MAP2K1: variants seen among roughly 807,000 people sequenced by gnomAD.
The protein encoded by MAP2K1 is dual specificity mitogen-activated protein kinase kinase 1.
Under a neutral mutation model 46.3 loss-of-function variants are expected in MAP2K1, and 16 were observed. That is an observed-to-expected ratio of 0.35 (90% CI 0.23 to 0.52). The LOEUF is 0.52. Ranked by LOEUF, MAP2K1 falls within the 20% of genes least tolerant of loss-of-function variation. The pLI is 0.94. For missense variants in MAP2K1, 263 were observed against 497.1 expected, an observed-to-expected ratio of 0.53 and a Z score of 4.48; for synonymous variants, 183 against 185.6, an observed-to-expected ratio of 0.99 and a Z score of 0.11.
chr15:66,468,931 G>A (rs1892538175), intron 5 of MAP2K1, among the ~76,000 whole-genome samples: 1 of 143,196 alleles, frequency 7.0e-6, no homozygotes, highest in Admixed American at 7.2e-5. Flanking sequence ...CTCCAGCCTG[G>A]CAACAGAGCA....
intron 1 of MAP2K1, among the ~76,000 whole-genome samples, chr15:66,410,057 G>A (rs921242277): frequency 6.6e-6 from 1 of 152,200 alleles, no homozygotes; most frequent in African/African-American, 2.4e-5. Context: ...GAGGCCCAGA[G>A]AGACTGGGCA....
In MAP2K1 at chr15:66,397,684, T is replaced by G. The variant is rs184210500; in HGVS notation, c.80+10257T>G. Among the ~76,000 whole-genome samples the G allele has an allele frequency of 1.9e-4, 29 of 152,306 alleles. 1 individual carries two copies. Among genetic ancestry groups the G allele is most frequent in the Admixed American group, 1.6e-3 (24 of 15,300 alleles). On this transcript the variant is annotated intron_variant, in intron 1 of 10. Transcript: ENST00000307102. ...CCCAAACCTACATCTAATCAAGCCT[T>G]TAGACCTAACTTCCTGTTTATAGCA...
chr15:66,453,302 T>C (rs1005374685), intron 5 of MAP2K1, among the ~76,000 whole-genome samples: 1 of 152,228 alleles, frequency 6.6e-6, no homozygotes, highest in Non-Finnish European at 1.5e-5. Flanking sequence ...CTCTTTGGCA[T>C]GAAGAGATGC....
chr15:66,420,883 G>GTGTGTGTATATATGTGTGTATATA (rs1567003303), intron 1 of MAP2K1, among the ~76,000 whole-genome samples: 2 of 117,516 alleles, frequency 1.7e-5, no homozygotes, highest in African/African-American at 6.1e-5. Context: ...GTATATATAT[G>GTGTGTGTATATATGTGTGTATATA]TGTATATATA....
rs960070729 is a variant in MAP2K1, at chr15:66,387,564, C to G, written c.80+137C>G. 1.1e-5 allele frequency: 9 copies of G among 849,510 alleles called. No homozygotes were observed. In the Admixed American group the frequency reaches 1.6e-4, roughly 15 times the overall value. 52.6% of individuals were successfully genotyped at this position (849,510 alleles called of 1,614,324 possible). A position where few individuals can be genotyped will look rare whatever the true frequency, so the allele number is the denominator to read the frequency against. On this transcript the variant is annotated intron_variant, in intron 1 of 10. Transcript: ENST00000307102. ...CAGGGGGCGAGAAACTCCCGGCCGC[C>G]GAGGTATCGGTGACTAAGCACTGAT...
intron 2 of MAP2K1, 100 bp from the exon 3 acceptor site, chr15:66,436,646 C>G (rs1007827269): frequency 6.0e-6 from 7 of 1,171,408 alleles, no homozygotes; most frequent in Admixed American, 1.7e-5. Flanking sequence ...GTTTCTCCTC[C>G]CTCTACCTTA....
intron 1 of MAP2K1, among the ~76,000 whole-genome samples, chr15:66,427,463 G>A (rs2093462103): frequency 6.6e-6 from 1 of 151,952 alleles, no homozygotes; most frequent in Non-Finnish European, 1.5e-5. Context: ...GGAGGCTGAG[G>A]CAGGAGAATT....
chr15:66,453,703 G>A (rs1003923350), intron 5 of MAP2K1, among the ~76,000 whole-genome samples: 2 of 152,230 alleles, frequency 1.3e-5, no homozygotes, highest in African/African-American at 4.8e-5. Flanking sequence ...TGTCCTTGAG[G>A]AAAAGTGGGG....
At chr15:66,420,849 A>G (rs1175400017) in intron 1 of MAP2K1, among the ~76,000 whole-genome samples, 4 of 125,590 alleles carry the variant, frequency 3.2e-5, no homozygotes, top group African/African-American at 8.5e-5. Flanking sequence ...ATGTGTGTAT[A>G]TATATGTGTG....
rs969880085 is a variant in MAP2K1, at chr15:66,387,174, C to G, written c.-174C>G. On this transcript the variant is annotated 5_prime_UTR_variant, in exon 1 of 11. Coordinates refer to ENST00000307102, the MANE Select transcript of MAP2K1 (RefSeq NM_002755.4). ...CGGGTGGGGCGGGGGTCCACTGAGA[C>G]CGCTACCGGCCCCTCGGCGCTGACG... is the stretch of plus-strand genomic sequence containing the variant. 4 of 502,226 alleles carry G rather than the reference C, an allele frequency of 8.0e-6. No individual in the cohort carries two copies. The highest frequency in any genetic ancestry group is 1.4e-5 in the Non-Finnish European group (4 of 284,136). The allele number at this position is 502,226 out of a possible 1,614,324, so 31.1% of individuals were successfully genotyped here. A position where few individuals can be genotyped will look rare whatever the true frequency, so the allele number is the denominator to read the frequency against.
At chr15:66,486,365 C>T (rs769277437) in intron 7 of MAP2K1, among the ~76,000 whole-genome samples, 6 of 152,142 alleles carry the variant, frequency 3.9e-5, no homozygotes, top group Non-Finnish European at 8.8e-5. Context: ...ATTACCCCAG[C>T]AAGAAACCCC....
intron 1 of MAP2K1, among the ~76,000 whole-genome samples, chr15:66,428,023 G>C (rs747732767): frequency 5.3e-5 from 8 of 152,032 alleles, no homozygotes; most frequent in Non-Finnish European, 1.2e-4. Flanking sequence ...CCAAAAAAAA[G>C]AAACCTCTCC....
intron 1 of MAP2K1, among the ~76,000 whole-genome samples, chr15:66,405,678 C>T (rs558756308): frequency 1.2e-4 from 18 of 152,270 alleles, no homozygotes; most frequent in East Asian, 3.9e-4. Flanking sequence ...GGAGTGACTC[C>T]GCTACTCTCC....
At chr15:66,462,767 G>T (rs1892359707) in intron 5 of MAP2K1, among the ~76,000 whole-genome samples, 1 of 152,100 alleles carries the variant, frequency 6.6e-6, no homozygotes, top group Admixed American at 6.6e-5. Context: ...TTTCAGTGAG[G>T]ATTCTTGGTT....
At chr15:66,409,382 G>T (rs373817605) in intron 1 of MAP2K1, among the ~76,000 whole-genome samples, 7 of 152,248 alleles carry the variant, frequency 4.6e-5, no homozygotes, top group Admixed American at 2.0e-4. Flanking sequence ...ACAGAGGAAG[G>T]CTCTGGGAAT....
intron 1 of MAP2K1, among the ~76,000 whole-genome samples, chr15:66,396,493 C>T (rs995576997): frequency 7.9e-5 from 12 of 151,894 alleles, no homozygotes; most frequent in Non-Finnish European, 1.6e-4. Flanking sequence ...TGGTCTCGAA[C>T]TCCTGACCTC....
At chr15:66,446,782 A>G (rs1025329097) in intron 5 of MAP2K1, 1 of 275,948 alleles carries the variant, frequency 3.6e-6, no homozygotes, top group Non-Finnish European at 7.6e-6. Flanking sequence ...CCTTCCACAT[A>G]TTTCCTTTTA....
chr15:66,428,083 C>A (rs1308605055), intron 1 of MAP2K1, among the ~76,000 whole-genome samples: 1 of 152,088 alleles, frequency 6.6e-6, no homozygotes, highest in Non-Finnish European at 1.5e-5. Context: ...ACCCAGATAG[C>A]CTGACTCCCA....
chr15:66,417,346 G>C (rs1419012115), intron 1 of MAP2K1, among the ~76,000 whole-genome samples: 1 of 152,032 alleles, frequency 6.6e-6, no homozygotes, highest in Non-Finnish European at 1.5e-5. Flanking sequence ...TAGGTGGGTG[G>C]ATCACCTGAG....
Sources: allele counts gnomAD v4.1 joint callset (sites outside exome capture counted in the v4.1 genomes callset), GRCh38; gene constraint gnomAD v4.1.1; transcripts MANE v1.5; gene names NCBI Gene and HGNC (gene_info 2026-07-23, HGNC 2026-07-21).